The following SRPK2 variants were observed in gnomAD, a reference collection of about 807,000 sequenced individuals.
SRPK2 encodes SRSF protein kinase 2.
A neutral mutation model predicts 90.8 loss-of-function variants in SRPK2; 21 were observed. That is an observed-to-expected ratio of 0.23 (90% confidence interval 0.16 to 0.33). The LOEUF is 0.33. Ranked by LOEUF, SRPK2 falls within the 10% of genes least tolerant of loss-of-function variation. The probability of loss-of-function intolerance (pLI) is 1.00; values close to 1 mark genes in which losing one functional copy is unlikely to be tolerated. For missense variants in SRPK2, 620 were observed against 869.0 expected (o/e 0.71, Z 3.60); for synonymous variants, 288 against 311.1 (o/e 0.93, Z 0.78).
chr7:105,238,825 C>G (rs1490816365), intron 2 of SRPK2, among the ~76,000 whole-genome samples: 1 of 152,056 alleles, frequency 6.6e-6, no homozygotes, highest in Non-Finnish European at 1.5e-5. Context: ...AAGAAAGTAA[C>G]ATCATTTATA....
At chr7:105,169,132 T>C (rs1289504871) in intron 4 of SRPK2, 25 bp downstream of exon 4, 2 of 1,590,876 alleles carry the variant, frequency 1.3e-6, no homozygotes, top group Non-Finnish European at 1.7e-6. Flanking sequence ...AGGAAACAAA[T>C]GCACAAATGA....
At chr7:105,370,787 T>C (rs935653054) in intron 2 of SRPK2, among the ~76,000 whole-genome samples, 2 of 151,930 alleles carry the variant, frequency 1.3e-5, no homozygotes, top group African/African-American at 4.8e-5. Context: ...GACTAATTTT[T>C]TGTATTTTAG....
chr7:105,366,514 C>A (rs1443044276), intron 2 of SRPK2, among the ~76,000 whole-genome samples: 1 of 151,976 alleles, frequency 6.6e-6, no homozygotes. Context: ...GGACTACAGG[C>A]GTGCACCACC....
At chr7:105,211,592 A>G (rs934984344) in intron 2 of SRPK2, among the ~76,000 whole-genome samples, 2 of 152,064 alleles carry the variant, frequency 1.3e-5, no homozygotes, top group African/African-American at 4.8e-5. Flanking sequence ...ACACTTTTAG[A>G]ACAACCAGAT....
Position 105,335,007 on chromosome 7 carries a change from A to G in SRPK2, c.71+53641T>C, listed in dbSNP as rs950749058. On this transcript the variant is annotated intron_variant, in intron 2 of 15. Transcript: ENST00000393651. ...AACACGGTGAAACCCCGTCTCTACT[A>G]CAAATACAAAAAAATTAGCCAGGTG... Among the ~76,000 whole-genome samples the G allele has an allele frequency of 1.1e-4, 17 of 150,448 alleles. 1 individual carries two copies. Among genetic ancestry groups the G allele is most frequent in the African/African-American group, 4.2e-4 (17 of 40,470 alleles).
chr7:105,333,766 T>C (rs1194273268), intron 2 of SRPK2, among the ~76,000 whole-genome samples: 1 of 152,252 alleles, frequency 6.6e-6, no homozygotes, highest in Non-Finnish European at 1.5e-5. Context: ...TCATGCTTTA[T>C]GTACCATTTA....
chr7:105,362,745 A>G (rs968701221), intron 2 of SRPK2, among the ~76,000 whole-genome samples: 1 of 152,164 alleles, frequency 6.6e-6, no homozygotes, highest in Admixed American at 6.6e-5. Context: ...ACACATGTAC[A>G]TGTATGTTTA....
intron 2 of SRPK2, among the ~76,000 whole-genome samples, chr7:105,336,372 T>C (rs1815092937): frequency 6.6e-6 from 1 of 152,206 alleles, no homozygotes; most frequent in Non-Finnish European, 1.5e-5. Context: ...GGGACTGTTT[T>C]AAAATACCAT....
intron 2 of SRPK2, among the ~76,000 whole-genome samples, chr7:105,235,335 C>CA (rs563699246): frequency 6.2e-4 from 95 of 152,266 alleles, no homozygotes; most frequent in Non-Finnish European, 1.2e-3. Context: ...TGTCACAAAG[C>CA]AAGTTTATTT....
At chr7:105,204,878 G>A (rs1459749048) in intron 2 of SRPK2, 3 of 421,304 alleles carry the variant, frequency 7.1e-6, no homozygotes, top group Non-Finnish European at 1.4e-5. Flanking sequence ...GAGAGCAGGT[G>A]GAATCTTGGT....
chr7:105,330,068 C>T (rs886615703), intron 2 of SRPK2, among the ~76,000 whole-genome samples: 9 of 151,728 alleles, frequency 5.9e-5, no homozygotes, highest in African/African-American at 2.2e-4. Context: ...AATAGCCAGG[C>T]GCGATGGCTC....
chr7:105,361,947 G>A (rs1423616855), intron 2 of SRPK2, among the ~76,000 whole-genome samples: 13 of 85,172 alleles, frequency 1.5e-4, no homozygotes, highest in East Asian at 3.7e-4. Flanking sequence ...CACCGAAAGC[G>A]CCTGGCAACA....
chr7:105,319,187 C>T (rs1024346560), intron 2 of SRPK2, among the ~76,000 whole-genome samples: 1 of 152,110 alleles, frequency 6.6e-6, no homozygotes, highest in Non-Finnish European at 1.5e-5. Flanking sequence ...AAATGTAACA[C>T]ACTATTTTTA....
At chr7:105,120,070 C>T (rs571929553) in intron 15 of SRPK2, among the ~76,000 whole-genome samples, 1 of 152,280 alleles carries the variant, frequency 6.6e-6, no homozygotes, top group African/African-American at 2.4e-5. Context: ...TAGGTTATTT[C>T]AATTTCCACA....
chr7:105,118,626 T>C (rs889669191), intron 15 of SRPK2, among the ~76,000 whole-genome samples: 2 of 152,104 alleles, frequency 1.3e-5, no homozygotes. Flanking sequence ...AAGTCAAAAC[T>C]GCAATAAAGG....
intron 2 of SRPK2, among the ~76,000 whole-genome samples, chr7:105,367,971 T>C (rs1301635863): frequency 1.3e-5 from 2 of 152,312 alleles, no homozygotes; most frequent in East Asian, 1.9e-4. Context: ...CCAAACTGTA[T>C]ACGCTTTTCA....
At chr7:105,124,049 C>G (rs573210390) in intron 15 of SRPK2, among the ~76,000 whole-genome samples, 1 of 152,342 alleles carries the variant, frequency 6.6e-6, no homozygotes, top group East Asian at 1.9e-4. Flanking sequence ...GATACACATC[C>G]ACAAGCTGTC....
At chr7:105,134,186 G>C (rs2129575240) in intron 11 of SRPK2, among the ~76,000 whole-genome samples, 1 of 152,266 alleles carries the variant, frequency 6.6e-6, no homozygotes, top group Non-Finnish European at 1.5e-5. Context: ...TTGTGTCCCT[G>C]CCCATAACTC....
chr7:105,211,322 G>A (rs1372467906), intron 2 of SRPK2, among the ~76,000 whole-genome samples: 1 of 151,938 alleles, frequency 6.6e-6, no homozygotes, highest in Non-Finnish European at 1.5e-5. Context: ...TTCTCTTTTG[G>A]GAATAGGAGT....
Sources: allele counts gnomAD v4.1 joint callset (sites outside exome capture counted in the v4.1 genomes callset), GRCh38; gene constraint gnomAD v4.1.1; transcripts MANE v1.5; gene names NCBI Gene and HGNC (gene_info 2026-07-23, HGNC 2026-07-21).